Variants in KMT2C observed in about 807,000 individuals in gnomAD.
The protein encoded by KMT2C is histone-lysine N-methyltransferase 2C.
Under a neutral mutation model 507.9 loss-of-function variants are expected in KMT2C, and 88 were observed. The ratio of observed to expected loss-of-function variants is 0.17; its 90% CI spans 0.15 to 0.21. The LOEUF (loss-of-function observed/expected upper bound fraction) is 0.21. Among genes scored for constraint, KMT2C ranks in the 10% least tolerant of loss-of-function variants. The probability of loss-of-function intolerance (pLI) is 1.00; values close to 1 mark genes in which losing one functional copy is unlikely to be tolerated. For synonymous variants in KMT2C, 2,049 were observed against 2,080.8 expected (o/e 0.98, Z 0.42); for missense variants, 4,954 against 5,957.8 (o/e 0.83, Z 5.55).
intron 1 of KMT2C, among the ~76,000 whole-genome samples, chr7:152,426,767 G>A (rs976394202): frequency 1.3e-4 from 20 of 152,022 alleles, no homozygotes; most frequent in African/African-American, 3.4e-4. Flanking sequence ...GTATTATTAC[G>A]TCCTCTCTAC....
intron 6 of KMT2C, among the ~76,000 whole-genome samples, chr7:152,300,090 AT>A (rs1423320156): frequency 6.6e-6 from 1 of 152,250 alleles, no homozygotes; most frequent in African/African-American, 2.4e-5. Flanking sequence ...CAGCCTGTCT[AT>A]AATGGAGAAT....
chr7:152,422,536 T>C (rs1285911269), intron 1 of KMT2C, among the ~76,000 whole-genome samples: 2 of 152,104 alleles, frequency 1.3e-5, no homozygotes, highest in Non-Finnish European at 2.9e-5. Flanking sequence ...CAACCGGGCC[T>C]CAACATGAAA....
At chr7:152,304,003 AAG>A (rs1491184577) in intron 6 of KMT2C, among the ~76,000 whole-genome samples, 1 of 152,090 alleles carries the variant, frequency 6.6e-6, no homozygotes, top group African/African-American at 2.4e-5. Flanking sequence ...AACAAAAAAA[AAG>A]AGAGAGAAGA....
chr7:152,246,217 G>T (rs2095470702), intron 14 of KMT2C, among the ~76,000 whole-genome samples: 1 of 152,138 alleles, frequency 6.6e-6, no homozygotes, highest in South Asian at 2.1e-4. Flanking sequence ...ATCAAGTGAA[G>T]GCTGTTTGCT....
In KMT2C at chr7:152,176,287, G is replaced by A. The variant is rs2129112768; in HGVS notation, c.9166C>T (p.Gln3056Ter). 1 of 1,614,142 alleles carries A rather than the reference G, an allele frequency of 6.2e-7. No homozygotes were observed. The highest frequency in any genetic ancestry group is 8.5e-7 in the Non-Finnish European group (1 of 1,180,016). The change falls in exon 38 of 59, where the codon CAG (glutamine) becomes TAG (stop). Residue 3056 changes from glutamine (Q) to a stop codon, truncating the protein, a stop_gained. Transcript: ENST00000262189. LOFTEE classifies it high-confidence loss of function. ...TGCCTTTCTTGATCCAAAAGATCCT[G>A]TAGAAGTAGAGGCTGTTCTTCTAGA... ...LLLEEQPLLLQDLLDQERQEQ... is the reference protein window; with the variant it reads ...LLLEEQPLLL
chr7:152,297,073 G>GAC (rs2096520349), intron 6 of KMT2C, among the ~76,000 whole-genome samples: 1 of 128,942 alleles, frequency 7.8e-6, no homozygotes, highest in South Asian at 2.5e-4. Context: ...GAGAGAGAGA[G>GAC]AGAGAGAGAG....
intron 39 of KMT2C, among the ~76,000 whole-genome samples, chr7:152,173,431 G>C (rs1244563677): frequency 6.6e-6 from 1 of 152,052 alleles, no homozygotes; most frequent in African/African-American, 2.4e-5. Context: ...ACCATCTCCA[G>C]ATATTCTTAT....
intron 7 of KMT2C, among the ~76,000 whole-genome samples, chr7:152,266,589 T>C (rs557462372): frequency 9.8e-5 from 15 of 152,384 alleles, no homozygotes; most frequent in Admixed American, 2.0e-4. Context: ...AATTTCTCTC[T>C]GACTCACACG....
chr7:152,337,649 A>G (rs2129217045), intron 2 of KMT2C, among the ~76,000 whole-genome samples: 1 of 152,168 alleles, frequency 6.6e-6, no homozygotes, highest in East Asian at 1.9e-4. Context: ...CTTCATCTCA[A>G]TTTTACTTTG....
At chr7:152,202,814 C>T (rs916275389) in intron 26 of KMT2C, 120 bp downstream of exon 26, 1 of 860,158 alleles carries the variant, frequency 1.2e-6, no homozygotes, top group Admixed American at 3.0e-5. Context: ...TTTATGATGA[C>T]TAAATGACAA....
chr7:152,162,274 G>A lies in KMT2C; in HGVS notation c.11303C>T (p.Ala3768Val), dbSNP rs1440501414. ...SPPHSAGAPA[A>V]KGDSGNELLK... ...AAGTTCATTCCCTGAGTCTCCTTTG[G>A]CAGCAGGGGCCCCAGCAGAATGGGG... Residue 3768 changes from alanine (A) to valine (V), a missense_variant, in exon 43 of 59, where the codon GCC becomes GTC. Ala to Val is a moderately conservative substitution (Grantham distance 64). Transcript: ENST00000262189. 2 of 1,613,990 alleles carry A rather than the reference G, an allele frequency of 1.2e-6. No individual in the cohort carries two copies. Among genetic ancestry groups the A allele is most frequent in the Non-Finnish European group, 1.7e-6 (2 of 1,180,004 alleles).
At chr7:152,378,586 G>A (rs2097347061) in intron 1 of KMT2C, among the ~76,000 whole-genome samples, 1 of 152,110 alleles carries the variant, frequency 6.6e-6, no homozygotes, top group Non-Finnish European at 1.5e-5. Context: ...TTGCTTTATG[G>A]TGATACTCAC....
rs113138058 is a variant in KMT2C, at chr7:152,163,761, T to C, written c.9816A>G (p.Gln3272=). 1.7e-4 allele frequency: 276 copies of C among 1,614,076 alleles called. 1 individual carries two copies. Among genetic ancestry groups the C allele is most frequent in the Non-Finnish European group, 2.2e-4 (262 of 1,180,046 alleles). Residue 3272 remains glutamine (Q), a synonymous_variant, in exon 43 of 59, where the codon CAA becomes CAG. Transcript: ENST00000262189. ...IEDYRIKQQQ[Q]CAMAPPTMMP... ...TCATGGTAGGTGGGGCCATTGCACA[T>C]TGCTGCTGCTGTTTGATCCGATAAT... is the stretch of plus-strand genomic sequence containing the variant.
chr7:152,295,222 T>C (rs1447252780), intron 6 of KMT2C, among the ~76,000 whole-genome samples: 30 of 152,260 alleles, frequency 2.0e-4, no homozygotes, highest in Admixed American at 2.0e-3. Context: ...TAAATATGTT[T>C]GTCTTCAAGT....
rs1416842533 is a variant in KMT2C, at chr7:152,227,706, A to G, written c.2976+2217T>C. ...TCAAAATGAAGAAGCAATAACGACTAAGAGCTCCAGAAATCTACAAAGGAT... is the reference window on the plus strand; with the variant it reads ...TCAAAATGAAGAAGCAATAACGACTGAGAGCTCCAGAAATCTACAAAGGAT... On this transcript the variant is annotated intron_variant, in intron 18 of 58. Coordinates refer to ENST00000262189, the MANE Select transcript of KMT2C (RefSeq NM_170606.3). 5.9e-5 allele frequency among the ~76,000 whole-genome samples: 9 copies of G among 152,336 alleles called. No individual in the cohort carries two copies. In the East Asian group the frequency reaches 1.7e-3, roughly 29 times the overall value.
chr7:152,158,685 T>A (rs1054076788), intron 44 of KMT2C, among the ~76,000 whole-genome samples, 178 bp downstream of exon 44: 1 of 152,092 alleles, frequency 6.6e-6, no homozygotes, highest in Non-Finnish European at 1.5e-5. Context: ...CCAGTAAATG[T>A]TTGTATTTTT....
At chr7:152,268,325 C>G (rs1281997399) in intron 7 of KMT2C, among the ~76,000 whole-genome samples, 1 of 152,084 alleles carries the variant, frequency 6.6e-6, no homozygotes. Context: ...TTACCACACC[C>G]AAATACCTTT....
At chr7:152,348,049 G>C (rs1013154610) in intron 2 of KMT2C, among the ~76,000 whole-genome samples, 2 of 152,208 alleles carry the variant, frequency 1.3e-5, no homozygotes, top group East Asian at 3.9e-4. Flanking sequence ...AAATATTCAA[G>C]AAATACTATT....
At chr7:152,156,379 T>C in intron 44 of KMT2C, 33 bp from the exon 45 acceptor site, 1 of 1,610,432 alleles carries the variant, frequency 6.2e-7, no homozygotes, top group Non-Finnish European at 8.5e-7. Context: ...AATTATATGC[T>C]ACTGAGCGAA....
Sources: gnomAD v4.1 joint callset for allele counts (sites outside exome capture counted in the v4.1 genomes callset) on GRCh38, gnomAD v4.1.1 for gene constraint, MANE v1.5 for transcripts, NCBI Gene and HGNC (gene_info 2026-07-23, HGNC 2026-07-21) for gene names.